The following ATP11C variants were observed in gnomAD, a reference collection of about 807,000 sequenced individuals.
The protein encoded by ATP11C is ATPase phospholipid transporting 11C (ATP11C blood group), also known as phospholipid-transporting ATPase IG.
Under a neutral mutation model 97.4 loss-of-function variants are expected in ATP11C, and 36 were observed. The observed-to-expected ratio is 0.37, with a 90% CI of 0.28 to 0.49. The LOEUF is 0.49. ATP11C is among the 20% of genes least tolerant of loss of function. The pLI, the probability that ATP11C is intolerant of heterozygous loss-of-function variation, is 0.98. For synonymous variants in ATP11C, 275 were observed against 290.9 expected (o/e 0.95, Z 0.56); for missense variants, 730 against 824.6 (o/e 0.89, Z 1.40).
rs1342593042 is a variant in ATP11C, at chrX:139,727,724, T to C, written c.*1242A>G. The stretch of plus-strand genomic sequence containing the variant: ...ATGGTCATTTATATCCAAAAAAGTA[T>C]GTGTTTAACATTGAATGAAGACATT... On this transcript the variant is annotated 3_prime_UTR_variant, in exon 30 of 30. Coordinates refer to ENST00000682941, the MANE Select transcript of ATP11C (RefSeq NM_001353812.2). The C allele has an allele frequency of 9.0e-6, 1 of 111,448 alleles. No homozygotes were observed. Among genetic ancestry groups the C allele is most frequent in the African/African-American group, 3.3e-5 (1 of 30,670 alleles). The allele number at this position is 111,448 out of a possible 1,213,427, so 9.2% of individuals were successfully genotyped here.
intron 1 of ATP11C, chrX:139,924,374 C>G (rs774163305): frequency 1.5e-5 from 4 of 264,922 alleles, no homozygotes; most frequent in African/African-American, 1.1e-4. Flanking sequence ...GAGTCTGTCT[C>G]AGCTGTACTG....
intron 6 of ATP11C, among the ~76,000 whole-genome samples, chrX:139,802,603 G>C: frequency 8.9e-6 from 1 of 111,762 alleles, no homozygotes; most frequent in Non-Finnish European, 1.9e-5. Flanking sequence ...ACAGCTGAGA[G>C]AATTCTATTC....
chrX:139,930,525 A>C (rs186231258), intron 1 of ATP11C, among the ~76,000 whole-genome samples: 381 of 111,511 alleles, frequency 3.4e-3, no homozygotes, highest in Non-Finnish European at 5.7e-3. Context: ...ACCCCCACGC[A>C]ACACTCCAAG....
At chrX:139,734,676 G>T (rs2081409409) in intron 28 of ATP11C, among the ~76,000 whole-genome samples, 1 of 111,372 alleles carries the variant, frequency 9.0e-6, no homozygotes, top group Non-Finnish European at 1.9e-5. Context: ...TCACTGTTCA[G>T]TGCTCAATGG....
At chrX:139,904,901 CTGAATCGTGCTCTAAG>C (rs2084951947) in intron 1 of ATP11C, among the ~76,000 whole-genome samples, 1 of 112,061 alleles carries the variant, frequency 8.9e-6, no homozygotes, top group South Asian at 3.7e-4. Context: ...AGTAAGGAGT[CTGAATCGTGCTCTAAG>C]TATGAACGGA....
chrX:139,790,464 TCACACA>T (rs56853640), intron 12 of ATP11C, among the ~76,000 whole-genome samples: 1,798 of 99,192 alleles, frequency 0.018, 32 homozygotes, highest in African/African-American at 0.05. Flanking sequence ...TCTCTCTCAC[TCACACA>T]CACACACACA....
rs780655017 is a variant in ATP11C, at chrX:139,802,289, G to A, written c.606C>T (p.Ile202=). Residue 202 remains isoleucine (I), a synonymous_variant, in exon 7 of 30, where the codon ATC becomes ATT. Transcript: ENST00000682941. ...DTIALCTAES[I]DTLRAAIECE... ...ATTCAATTGCTGCTCGGAGGGTATC[G>A]ATGGATTCTGCTGTACACAGTGCAA... 18 of 1,206,574 alleles carry A rather than the reference G, an allele frequency of 1.5e-5. No individual in the cohort carries two copies. Among genetic ancestry groups the A allele is most frequent in the Middle Eastern group, 2.3e-4 (1 of 4,346 alleles).
At chrX:139,846,164 T>C (rs1040199890) in intron 1 of ATP11C, among the ~76,000 whole-genome samples, 11 of 112,501 alleles carry the variant, frequency 9.8e-5, no homozygotes, top group African/African-American at 3.2e-4. Context: ...TTAATCGGTA[T>C]GTTATATAAC....
At chrX:139,917,283 T>C (rs947439825) in intron 1 of ATP11C, among the ~76,000 whole-genome samples, 4 of 111,862 alleles carry the variant, frequency 3.6e-5, no homozygotes, top group East Asian at 2.8e-4. Context: ...AGTGATTTCA[T>C]GGATATGACA....
chrX:139,786,246 T>C (rs1297720698), intron 15 of ATP11C, among the ~76,000 whole-genome samples: 8 of 111,707 alleles, frequency 7.2e-5, no homozygotes, highest in Non-Finnish European at 1.1e-4. Context: ...AATATTTCCT[T>C]GAAAATAAAC....
chrX:139,797,239 A>G lies in ATP11C; in HGVS notation c.945T>C (p.Ser315=). The G allele has an allele frequency of 1.7e-6, 2 of 1,200,535 alleles. No individual in the cohort carries two copies. The highest frequency in any genetic ancestry group is 2.3e-6 in the Non-Finnish European group (2 of 887,266). The part of the protein sequence containing the change: ...VCTTLKYVWQ[S]TPYNDEPWYN... ...ACCAAGGTTCATCATTGTATGGGGT[A>G]CTTTGCCAAACATACTTTAGAGTAG... Residue 315 remains serine, a synonymous_variant, in exon 11 of 30, where the codon AGT becomes AGC. Coordinates refer to ENST00000682941, the MANE Select transcript of ATP11C (RefSeq NM_001353812.2).
rs185379928 is a variant in ATP11C, at chrX:139,748,080, T to C, written c.2828+1945A>G. ...GCAGATTTTTCACATTCTTAATTTA[T>C]ACAAGTGTTCAGCACAGCTCTGAAG... On this transcript the variant is annotated intron_variant, in intron 24 of 29. Transcript: ENST00000682941. Among the ~76,000 whole-genome samples the C allele has an allele frequency of 3.4e-3, 381 of 112,232 alleles. 1 individual carries two copies. Among genetic ancestry groups the C allele is most frequent in the Non-Finnish European group, 6.3e-3 (334 of 53,236 alleles).
chrX:139,747,649 T>C (rs2081720212), intron 24 of ATP11C, among the ~76,000 whole-genome samples: 1 of 111,521 alleles, frequency 9.0e-6, no homozygotes, highest in Admixed American at 9.7e-5. Context: ...TTATGTCATC[T>C]CACATCCAAG....
At chrX:139,908,068 T>C (rs2085011909) in intron 1 of ATP11C, among the ~76,000 whole-genome samples, 1 of 111,395 alleles carries the variant, frequency 9.0e-6, no homozygotes, top group Non-Finnish European at 1.9e-5. Flanking sequence ...CAGATCACCT[T>C]CATGGCTACC....
chrX:139,750,364 C>T (rs1220471349), intron 23 of ATP11C, among the ~76,000 whole-genome samples: 1 of 111,542 alleles, frequency 9.0e-6, no homozygotes, highest in Non-Finnish European at 1.9e-5. Context: ...ATACACCTCC[C>T]CTTTAACAGA....
Position 139,728,372 on chromosome X carries a change from G to T in ATP11C, c.*594C>A, listed in dbSNP as rs1258320042. ...TTTTTTGGCAAGAATATTCTACCAA[G>T]ACATTAGTAGCACATGGGTAAACAG... On this transcript the variant is annotated 3_prime_UTR_variant, in exon 30 of 30. Coordinates refer to ENST00000682941, the MANE Select transcript of ATP11C (RefSeq NM_001353812.2). 1 of 112,026 alleles carries T rather than the reference G, an allele frequency of 8.9e-6. No individual in the cohort carries two copies. The highest frequency in any genetic ancestry group is 2.8e-4 in the East Asian group (1 of 3,574). 9.2% of individuals were successfully genotyped at this position (112,026 alleles called of 1,213,427 possible). A position where few individuals can be genotyped will look rare whatever the true frequency, so the allele number is the denominator to read the frequency against.
At chrX:139,860,104 CAAAAAAA>C in intron 1 of ATP11C, among the ~76,000 whole-genome samples, 1 of 20,393 alleles carries the variant, frequency 4.9e-5, no homozygotes, top group Non-Finnish European at 7.3e-5. Flanking sequence ...GACTCCGTCT[CAAAAAAA>C]AAAAAAAAAA....
intron 1 of ATP11C, among the ~76,000 whole-genome samples, chrX:139,859,445 A>G (rs187620077): frequency 2.3e-4 from 26 of 112,339 alleles, no homozygotes; most frequent in African/African-American, 7.8e-4. Flanking sequence ...ATATCACTCT[A>G]TACCCCATAA....
intron 1 of ATP11C, among the ~76,000 whole-genome samples, chrX:139,835,507 C>T (rs1465172618): frequency 9.1e-6 from 1 of 110,201 alleles, no homozygotes; most frequent in African/African-American, 3.3e-5. Context: ...TGGGTTCAAG[C>T]AGTTCTCCTG....
Sources: gnomAD v4.1 joint callset for allele counts (sites outside exome capture counted in the v4.1 genomes callset) on GRCh38, gnomAD v4.1.1 for gene constraint, MANE v1.5 for transcripts, NCBI Gene and HGNC (gene_info 2026-07-23, HGNC 2026-07-21) for gene names.